Variants in ZC3H10 observed in about 807,000 individuals in gnomAD.
ZC3H10 encodes the protein zinc finger CCCH domain-containing protein 10.
Under a neutral mutation model 24.3 loss-of-function variants are expected in ZC3H10, and 12 were observed. The observed-to-expected ratio is 0.49, with a 90% CI of 0.32 to 0.80. The LOEUF (loss-of-function observed/expected upper bound fraction) is 0.80, where lower values mean the gene tolerates loss of function less well. ZC3H10 is among the 30% of genes least tolerant of loss of function. ZC3H10 has a pLI of 0.04. For missense variants in ZC3H10, 360 were observed against 576.3 expected, an observed-to-expected ratio of 0.62 and a Z score of 3.84; for synonymous variants, 226 against 217.0, an observed-to-expected ratio of 1.04 and a Z score of -0.36.
intron 2 of ZC3H10, 110 bp downstream of exon 2, chr12:56,119,261 C>T (rs1434899475): frequency 6.6e-6 from 1 of 152,562 alleles, no homozygotes; most frequent in Non-Finnish European, 1.5e-5. Context: ...TGTACTTCAC[C>T]TGGTCATTCC....
At position 56,124,254 on chromosome 12, in the gene ZC3H10, AGTGATTTTGTTTTTT is replaced by A. The variant is rs1322836620; in HGVS notation, c.*2390_*2404del. On this transcript the variant is annotated 3_prime_UTR_variant, in exon 3 of 3. Coordinates refer to ENST00000257940, the MANE Select transcript of ZC3H10 (RefSeq NM_032786.3). ...GTTTTGTGCTTAAACAAAATTGTGT[AGTGATTTTGTTTTTT>A]GTCTCACTTCATCGCAGTCACTGAG... 8 of 152,186 alleles carry A rather than the reference AGTGATTTTGTTTTTT, an allele frequency of 5.3e-5. No individual in the cohort carries two copies. The highest frequency in any genetic ancestry group is 1.5e-5 in the Non-Finnish European group (1 of 68,028). The allele number at this position is 152,186 out of a possible 1,614,324, so 9.4% of individuals were successfully genotyped here.
Position 56,120,755 on chromosome 12 carries a change from G to A in ZC3H10, c.193G>A (p.Glu65Lys), listed in dbSNP as rs765628546. The change falls in exon 3 of 3, where the codon GAG becomes AAG. Residue 65 changes from glutamate (E) to lysine (K), a missense_variant. Coordinates refer to ENST00000257940, the MANE Select transcript of ZC3H10 (RefSeq NM_032786.3). The stretch of plus-strand genomic sequence containing the variant: ...CCGATATCGCCACCCAGACATGAGC[G>A]AGGTGTCCAACTTGGGGGTGAGCAA... ...RCRYRHPDMS[E>K]VSNLGVSKNE... is the part of the protein sequence containing the mutation. The A allele has an allele frequency of 1.9e-6, 3 of 1,614,062 alleles. No homozygotes were observed. Among genetic ancestry groups the A allele is most frequent in the African/African-American group, 1.3e-5 (1 of 74,926 alleles).
Position 56,121,447 on chromosome 12 carries a change from G to A in ZC3H10, c.885G>A (p.Leu295=). 1 of 1,610,500 alleles carries A rather than the reference G, an allele frequency of 6.2e-7. No individual in the cohort carries two copies. The change falls in exon 3 of 3, where the codon CTG becomes CTA. Residue 295 remains leucine (L), a synonymous_variant. Coordinates refer to ENST00000257940, the MANE Select transcript of ZC3H10 (RefSeq NM_032786.3). The surrounding 1 kb of genome is among the most constrained non-coding windows in gnomAD (Gnocchi z 6.2). ...SSTAPATEQT[L]APTVGTVATF... ...CTGCACCAGCGACTGAGCAGACTCT[G>A]GCCCCCACTGTGGGCACTGTTGCCA...
rs1287983344 is a variant in ZC3H10 at position 56,126,862 on chromosome 12, T to G, written c.*4995T>G. 6.6e-6 allele frequency: 1 copy of G among 152,126 alleles called. No individual in the cohort carries two copies. Among genetic ancestry groups the G allele is most frequent in the Non-Finnish European group, 1.5e-5 (1 of 68,008 alleles). 9.4% of individuals were successfully genotyped at this position (152,126 alleles called of 1,614,324 possible). ...AGTAGAGAAAAGGAAGTGAAAAAAT[T>G]TAAGTGATAGAGGCTGAGCAGGGAC... On this transcript the variant is annotated 3_prime_UTR_variant, in exon 3 of 3. Transcript: ENST00000257940.
Position 56,120,698 on chromosome 12 carries a change from T to C in ZC3H10, c.136T>C (p.Leu46=). The C allele has an allele frequency of 6.2e-7, 1 of 1,613,570 alleles. No individual in the cohort carries two copies. Residue 46 remains leucine (L), a synonymous_variant, in exon 3 of 3, where the codon TTG becomes CTG. Transcript: ENST00000257940. Reference sequence around the variant, plus strand: ...CTCAGATGCCATCTGTAGAGACTTCTTGAGGAATGTGTGCAAGCGAGGCAA... The same window carrying C: ...CTCAGATGCCATCTGTAGAGACTTCCTGAGGAATGTGTGCAAGCGAGGCAA... The part of the protein sequence containing the change: ...ASSDAICRDF[L]RNVCKRGKRC...
At position 56,121,679 on chromosome 12, in the gene ZC3H10, A is replaced by G. The variant is rs1592240846; in HGVS notation, c.1117A>G (p.Ile373Val). The change falls in exon 3 of 3, where the codon ATT (isoleucine) becomes GTT (valine). Residue 373 changes from isoleucine to valine, a missense_variant. Ile to Val is a conservative substitution (Grantham distance 29, BLOSUM62 3). This residue lies in a region of ZC3H10 where 133 missense variants were observed against 256.7 expected (regional missense o/e 0.52). Coordinates refer to ENST00000257940, the MANE Select transcript of ZC3H10 (RefSeq NM_032786.3). This position sits in a 1 kb window ranked among gnomAD's most constrained non-coding sequence, Gnocchi z 6.2. ...TPLSAALAQT[I>V]AQGMAPPPVS... ...ACTGTCAGCTGCCCTGGCTCAAACA[A>G]TTGCCCAGGGAATGGCACCTCCACC... 3 of 1,613,734 alleles carry G rather than the reference A, an allele frequency of 1.9e-6. No individual in the cohort carries two copies. Among genetic ancestry groups the G allele is most frequent in the Non-Finnish European group, 2.5e-6 (3 of 1,179,928 alleles).
chr12:56,120,580 C>A lies in ZC3H10; in HGVS notation c.18C>A (p.Ser6Arg). 1 of 1,555,862 alleles carries A rather than the reference C, an allele frequency of 6.4e-7. No individual in the cohort carries two copies. ...GGACCAGGATGCCTGACCGGGACAG[C>A]TATGCCAACGGTACCGGGAGCAGCG... is the stretch of plus-strand genomic sequence containing the variant. Reference protein sequence around the residue: MPDRDSYANGTGSSGG... With the variant: MPDRDRYANGTGSSGG... The change falls in exon 3 of 3, where the codon AGC becomes AGA. Residue 6 changes from serine to arginine, a missense_variant. Physicochemically the swap from Ser to Arg is moderately radical, Grantham distance 110 (BLOSUM62 -1). Around this residue, in one of 3 missense-constraint regions of ZC3H10, gnomAD observed 126 missense variants for 208.8 expected, o/e 0.60. Coordinates refer to ENST00000257940, the MANE Select transcript of ZC3H10 (RefSeq NM_032786.3).
At chr12:56,120,373 G>C (rs1869772095) in intron 2 of ZC3H10, 138 bp from the exon 3 acceptor site, 78 of 1,348,966 alleles carry the variant, frequency 5.8e-5, no homozygotes, top group Non-Finnish European at 7.1e-5. Context: ...TGATGAGTCA[G>C]ACATTTCAGC....
At chr12:56,120,275 C>T (rs1482325474) in intron 2 of ZC3H10, 6 of 985,420 alleles carry the variant, frequency 6.1e-6, no homozygotes, top group African/African-American at 3.5e-5. Context: ...TTCCCTGCTC[C>T]GTCCTGGGCC....
chr12:56,125,489 A>C lies in ZC3H10; in HGVS notation c.*3622A>C, dbSNP rs1282372518. The C allele has an allele frequency of 6.6e-6, 1 of 152,260 alleles. No individual in the cohort carries two copies. The highest frequency in any genetic ancestry group is 1.5e-5 in the Non-Finnish European group (1 of 68,128). The allele number at this position is 152,260 out of a possible 1,614,324, so 9.4% of individuals were successfully genotyped here. A position where few individuals can be genotyped will look rare whatever the true frequency, so the allele number is the denominator to read the frequency against. On this transcript the variant is annotated 3_prime_UTR_variant, in exon 3 of 3. Coordinates refer to ENST00000257940, the MANE Select transcript of ZC3H10 (RefSeq NM_032786.3). Reference sequence around the variant, plus strand: ...CGTGATCCGCCCACCTCGGCCTCCCAAAGTGCTGGGATTACAGGCGTTGAG... The same window carrying C: ...CGTGATCCGCCCACCTCGGCCTCCCCAAGTGCTGGGATTACAGGCGTTGAG...
Position 56,126,468 on chromosome 12 carries a change from C to T in ZC3H10, c.*4601C>T, listed in dbSNP as rs1479068122. ...GGGCCCCAGCTGGGACAAGAACTTCCTGAGGATGAAGTTTTATCCCCTATA... is the reference window on the plus strand; with the variant it reads ...GGGCCCCAGCTGGGACAAGAACTTCTTGAGGATGAAGTTTTATCCCCTATA... On this transcript the variant is annotated 3_prime_UTR_variant, in exon 3 of 3. Transcript: ENST00000257940. 1 of 152,206 alleles carries T rather than the reference C, an allele frequency of 6.6e-6. No homozygotes were observed. The highest frequency in any genetic ancestry group is 1.5e-5 in the Non-Finnish European group (1 of 68,038). The allele number at this position is 152,206 out of a possible 1,614,324, so 9.4% of individuals were successfully genotyped here.
rs1483022398 is a variant in ZC3H10, at chr12:56,123,708, C to G, written c.*1841C>G. The G allele has an allele frequency of 1.3e-5, 2 of 151,994 alleles. No homozygotes were observed. The highest frequency in any genetic ancestry group is 2.9e-5 in the Non-Finnish European group (2 of 68,022). The allele number at this position is 151,994 out of a possible 1,614,324, so 9.4% of individuals were successfully genotyped here. ...GGATTACAGGCATGAACCACCGTGC[C>G]CGGCAATTCTAGACTATTAAAAGAG... On this transcript the variant is annotated 3_prime_UTR_variant, in exon 3 of 3. Transcript: ENST00000257940.
chr12:56,119,850 A>G (rs903592256), intron 2 of ZC3H10: 5 of 152,152 alleles, frequency 3.3e-5, no homozygotes, highest in Admixed American at 3.3e-4. Context: ...CCTTATCACA[A>G]ATGGTTTGTC....
Position 56,122,198 on chromosome 12 carries a change from C to T in ZC3H10, c.*331C>T. ...CCCTCGTCTTGTCCTCTCTTCTGCA[C>T]AGCACAGGTTCCAGCACTGGTTTTA... On this transcript the variant is annotated 3_prime_UTR_variant, in exon 3 of 3. Transcript: ENST00000257940. 1 of 315,466 alleles carries T rather than the reference C, an allele frequency of 3.2e-6. No individual in the cohort carries two copies. Among genetic ancestry groups the T allele is most frequent in the Non-Finnish European group, 6.2e-6 (1 of 161,066 alleles). The allele number at this position is 315,466 out of a possible 1,614,324, so 19.5% of individuals were successfully genotyped here.
chr12:56,119,560 G>A (rs1202814327), intron 2 of ZC3H10: 3 of 152,252 alleles, frequency 2.0e-5, no homozygotes, highest in African/African-American at 7.2e-5. Flanking sequence ...GCATAGGAAA[G>A]GCTTGGGAGG....
rs1191219773 is a variant in ZC3H10, at chr12:56,122,678, T to C, written c.*811T>C. ...ATGGGGCTTTGGGGAAGGCACTTTA[T>C]GGGGTAAAAGCTTTGGAGCCACCCA... is the stretch of plus-strand genomic sequence containing the variant. On this transcript the variant is annotated 3_prime_UTR_variant, in exon 3 of 3. Transcript: ENST00000257940. 1.3e-5 allele frequency: 2 copies of C among 152,282 alleles called. No individual in the cohort carries two copies. Among genetic ancestry groups the C allele is most frequent in the Non-Finnish European group, 2.9e-5 (2 of 68,044 alleles). The allele number at this position is 152,282 out of a possible 1,614,324, so 9.4% of individuals were successfully genotyped here.
chr12:56,124,933 A>G lies in ZC3H10; in HGVS notation c.*3066A>G, dbSNP rs1869948121. The G allele has an allele frequency of 6.6e-6, 1 of 152,248 alleles. No homozygotes were observed. Among genetic ancestry groups the G allele is most frequent in the Admixed American group, 6.5e-5 (1 of 15,294 alleles). The allele number at this position is 152,248 out of a possible 1,614,324, so 9.4% of individuals were successfully genotyped here. On this transcript the variant is annotated 3_prime_UTR_variant, in exon 3 of 3. Coordinates refer to ENST00000257940, the MANE Select transcript of ZC3H10 (RefSeq NM_032786.3). Reference sequence around the variant, plus strand: ...TCAAGATGTCCATTTATAAATATTTATTAAGAGCCTGCTATGTTCTAGGCA... The same window carrying G: ...TCAAGATGTCCATTTATAAATATTTGTTAAGAGCCTGCTATGTTCTAGGCA...
Position 56,122,889 on chromosome 12 carries a change from G to GA in ZC3H10, c.*1022_*1023insA, listed in dbSNP as rs1869888208. On this transcript the variant is annotated 3_prime_UTR_variant, in exon 3 of 3. Coordinates refer to ENST00000257940, the MANE Select transcript of ZC3H10 (RefSeq NM_032786.3). ...TCCTTATTCAAACAGAGCAGGACAG[G>GA]TGGAGTTGATGGCCATTGAGTTGAT... 1 of 152,318 alleles carries GA rather than the reference G, an allele frequency of 6.6e-6. No individual in the cohort carries two copies. The highest frequency in any genetic ancestry group is 1.5e-5 in the Non-Finnish European group (1 of 68,120). 9.4% of individuals were successfully genotyped at this position (152,318 alleles called of 1,614,324 possible).
At position 56,122,388 on chromosome 12, in the gene ZC3H10, C is replaced by T. The variant is rs1333385605; in HGVS notation, c.*521C>T. 5.9e-6 allele frequency: 1 copy of T among 168,658 alleles called. No individual in the cohort carries two copies. The highest frequency in any genetic ancestry group is 2.4e-5 in the African/African-American group (1 of 41,464). 10.4% of individuals were successfully genotyped at this position (168,658 alleles called of 1,614,324 possible). A position where few individuals can be genotyped will look rare whatever the true frequency, so the allele number is the denominator to read the frequency against. On this transcript the variant is annotated 3_prime_UTR_variant, in exon 3 of 3. Transcript: ENST00000257940. ...CCCTGGGAAAGCTGGGACCATAGTG[C>T]TCCAGCCCAAAGACTAGGGGAGCAT... is the stretch of plus-strand genomic sequence containing the variant.
Sources: gnomAD v4.1 joint callset for allele counts on GRCh38, gnomAD v4.1.1 for gene constraint, gnomAD v4.1.1 regional missense constraint, Gnocchi (gnomAD v3.1) non-coding constraint, MANE v1.5 for transcripts, NCBI Gene and HGNC (gene_info 2026-07-23, HGNC 2026-07-21) for gene names.